ZNF750: variants seen among roughly 807,000 people sequenced by gnomAD.
ZNF750 encodes zinc finger protein 750.
Under a neutral mutation model 31.6 loss-of-function variants are expected in ZNF750, and 10 were observed. The ratio of observed to expected loss-of-function variants is 0.32; its 90% CI spans 0.19 to 0.54. The LOEUF (loss-of-function observed/expected upper bound fraction) is 0.54. Ranked by LOEUF, ZNF750 falls within the 20% of genes least tolerant of loss-of-function variation. ZNF750 has a pLI of 0.95. For missense variants in ZNF750, 914 were observed against 934.9 expected (o/e 0.98, Z 0.29); for synonymous variants, 400 against 404.9 (o/e 0.99, Z 0.15).
intron 1 of ZNF750, among the ~76,000 whole-genome samples, chr17:82,836,125 C>T (rs980114359): frequency 5.3e-5 from 8 of 152,256 alleles, no homozygotes; most frequent in Non-Finnish European, 1.2e-4. Context: ...TCTTTATGGG[C>T]TCAGTCCCTA....
chr17:82,831,088 C>A lies in ZNF750; in HGVS notation c.1367G>T (p.Arg456Met), dbSNP rs779749801. 6.2e-7 allele frequency: 1 copy of A among 1,614,048 alleles called. No homozygotes were observed. Among genetic ancestry groups the A allele is most frequent in the Non-Finnish European group, 8.5e-7 (1 of 1,180,032 alleles). ...GCATTCTGTGCTTTTCTTAACAGGC[C>A]TGAAGGCTGTGAGGCTTTGCTCTGG... Reference protein sequence around the residue: ...YPPEQSLTAFRPVKKSTECLP... With the variant: ...YPPEQSLTAFMPVKKSTECLP... The change falls in exon 2 of 3, where the codon AGG becomes ATG. Residue 456 changes from arginine (R) to methionine (M), a missense_variant. This residue lies in a region of ZNF750 where 880 missense variants were observed against 868.9 expected (regional missense o/e 1.01). Transcript: ENST00000269394. This position sits in a 1 kb window ranked among gnomAD's most constrained non-coding sequence, Gnocchi z 4.6.
chr17:82,838,836 C>T (rs1173233608), intron 1 of ZNF750: 10 of 985,290 alleles, frequency 1.0e-5, no homozygotes, highest in African/African-American at 8.7e-5. Flanking sequence ...GACCTGAGCT[C>T]GTAAACAAAC....
chr17:82,831,404 C>T lies in ZNF750; in HGVS notation c.1051G>A (p.Glu351Lys), dbSNP rs377565207. The T allele has an allele frequency of 3.7e-6, 6 of 1,614,158 alleles. 1 individual carries two copies. Among genetic ancestry groups the T allele is most frequent in the Middle Eastern group, 3.3e-4 (2 of 6,062 alleles). Residue 351 changes from glutamate to lysine, a missense_variant, in exon 2 of 3, where the codon GAA becomes AAA. By Grantham distance (56) the Glu-to-Lys change is moderately conservative. Transcript: ENST00000269394. The surrounding 1 kb of genome is among the most constrained non-coding windows in gnomAD (Gnocchi z 4.6). Reference sequence around the variant, plus strand: ...GCTGGATAGACCAGGGTGGCTTCTTCAAGCAGGTGAGAGCTCTGATCTCGG... The same window carrying T: ...GCTGGATAGACCAGGGTGGCTTCTTTAAGCAGGTGAGAGCTCTGATCTCGG... ...LTRDQSSHLL[E>K]EATLVYPASS...
intron 1 of ZNF750, among the ~76,000 whole-genome samples, chr17:82,837,261 C>T (rs118047743): frequency 6.4e-4 from 98 of 152,340 alleles, no homozygotes; most frequent in South Asian, 1.4e-3. Context: ...GCCAGTACCT[C>T]AGGCTGTCAC....
At chr17:82,838,599 T>C (rs2054187821) in intron 1 of ZNF750, 1 of 971,078 alleles carries the variant, frequency 1.0e-6, no homozygotes, top group African/African-American at 1.8e-5. Context: ...GCCTACCCAC[T>C]GTGATGTCGC....
chr17:82,830,242 C>A lies in ZNF750; in HGVS notation c.2072G>T (p.Ser691Ile). 1.2e-6 allele frequency: 2 copies of A among 1,614,260 alleles called. No homozygotes were observed. The highest frequency in any genetic ancestry group is 1.1e-5 in the South Asian group (1 of 91,080). ...DLRPKGQKRTSLRDAGKSQQG... is the reference protein window; with the variant it reads ...DLRPKGQKRTILRDAGKSQQG... Reference sequence around the variant, plus strand: ...CTGGGATTTTCCAGCATCCCTTAGACTTGTCCTCTTTTGTCCTTTGGGTCT... The same window carrying A: ...CTGGGATTTTCCAGCATCCCTTAGAATTGTCCTCTTTTGTCCTTTGGGTCT... The change falls in exon 3 of 3, where the codon AGT becomes ATT. Residue 691 changes from serine to isoleucine, a missense_variant. This residue lies in a region of ZNF750 where 880 missense variants were observed against 868.9 expected (regional missense o/e 1.01). Coordinates refer to ENST00000269394, the MANE Select transcript of ZNF750 (RefSeq NM_024702.3).
chr17:82,829,732 A>G lies in ZNF750; in HGVS notation c.*410T>C, dbSNP rs998878519. On this transcript the variant is annotated 3_prime_UTR_variant, in exon 3 of 3. Transcript: ENST00000269394. ...TTACATATGGCACTTTAATGTTAGT[A>G]CTGAAAATGTTTTTTCTGACATTTT... is the stretch of plus-strand genomic sequence containing the variant. 5.2e-6 allele frequency: 1 copy of G among 193,360 alleles called. No homozygotes were observed. The highest frequency in any genetic ancestry group is 1.1e-5 in the Non-Finnish European group (1 of 92,118). The allele number at this position is 193,360 out of a possible 1,614,324, so 12.0% of individuals were successfully genotyped here. A position where few individuals can be genotyped will look rare whatever the true frequency, so the allele number is the denominator to read the frequency against.
rs751094786 is a variant in ZNF750, at chr17:82,830,164, C to T, written c.2150G>A (p.Arg717Gln). ...LQDTARVFTL[R>Q]RRARVS Reference sequence around the variant, plus strand: ...GCGTTAGGACACCCGGGCCCTCCTTCGTAGTGTGAACACTCTGGCCGTGTC... The same window carrying T: ...GCGTTAGGACACCCGGGCCCTCCTTTGTAGTGTGAACACTCTGGCCGTGTC... The change falls in exon 3 of 3, where the codon CGA becomes CAA. Residue 717 changes from arginine (R) to glutamine (Q), a missense_variant. By Grantham distance (43) the Arg-to-Gln change is conservative. Around this residue, in one of 2 missense-constraint regions of ZNF750, gnomAD observed 880 missense variants for 868.9 expected, o/e 1.01. Transcript: ENST00000269394. 6.2e-7 allele frequency: 1 copy of T among 1,613,986 alleles called. No homozygotes were observed. The highest frequency in any genetic ancestry group is 1.3e-5 in the African/African-American group (1 of 74,944).
At chr17:82,837,837 C>A (rs979256876) in intron 1 of ZNF750, among the ~76,000 whole-genome samples, 4 of 152,330 alleles carry the variant, frequency 2.6e-5, no homozygotes, top group Admixed American at 6.5e-5. Flanking sequence ...CCTGGCCTGG[C>A]ACAAAGCCTT....
chr17:82,836,571 A>G (rs775205302), intron 1 of ZNF750, among the ~76,000 whole-genome samples: 3 of 151,882 alleles, frequency 2.0e-5, no homozygotes, highest in Non-Finnish European at 4.4e-5. Flanking sequence ...CATTGCTGAT[A>G]CCTCTAGCGC....
At chr17:82,836,794 G>GTGT (rs1364618510) in intron 1 of ZNF750, among the ~76,000 whole-genome samples, 1 of 152,176 alleles carries the variant, frequency 6.6e-6, no homozygotes, top group Non-Finnish European at 1.5e-5. Flanking sequence ...GGCAGGTTAC[G>GTGT]TGTAAGCTCT....
Position 82,830,453 on chromosome 17 carries a change from C to T in ZNF750, c.1861G>A (p.Ala621Thr), listed in dbSNP as rs769783309. 3.8e-5 allele frequency: 61 copies of T among 1,612,174 alleles called. No individual in the cohort carries two copies. Among genetic ancestry groups the T allele is most frequent in the Non-Finnish European group, 4.8e-5 (57 of 1,179,648 alleles). ...TCCTCGCTGCTGTCCACCGCGCATG[C>T]GTCTGGAGCCTCCTCGCCGGGGCCT... Reference protein sequence around the residue: ...PTGPGEEAPDACAVDSSEEQK... With the variant: ...PTGPGEEAPDTCAVDSSEEQK... Residue 621 changes from alanine (A) to threonine (T), a missense_variant, in exon 3 of 3, where the codon GCA (alanine) becomes ACA (threonine). Physicochemically the swap from Ala to Thr is moderately conservative, Grantham distance 58. This residue lies in a region of ZNF750 where 880 missense variants were observed against 868.9 expected (regional missense o/e 1.01). Coordinates refer to ENST00000269394, the MANE Select transcript of ZNF750 (RefSeq NM_024702.3).
At position 82,833,012 on chromosome 17, in the gene ZNF750, C is replaced by T. The variant is rs1330002367; in HGVS notation, c.-182-376G>A. Among the ~76,000 whole-genome samples, 1 of 152,124 alleles carries T rather than the reference C, an allele frequency of 6.6e-6. No homozygotes were observed. The highest frequency in any genetic ancestry group is 6.5e-5 in the Admixed American group (1 of 15,280). On this transcript the variant is annotated intron_variant, in intron 1 of 2. Coordinates refer to ENST00000269394, the MANE Select transcript of ZNF750 (RefSeq NM_024702.3). This position sits in a 1 kb window ranked among gnomAD's most constrained non-coding sequence, Gnocchi z 4.7. ...AAAGCGCCCTGCCGGGGGCTGAGGA[C>T]ACCGAGCCCCCTCCCAGGGTCTGGA...
At chr17:82,834,421 G>C (rs953402753) in intron 1 of ZNF750, among the ~76,000 whole-genome samples, 2 of 152,208 alleles carry the variant, frequency 1.3e-5, no homozygotes, top group African/African-American at 2.4e-5. Flanking sequence ...AAGGTCTTTA[G>C]GGTCTAAATA....
rs972906743 is a variant in ZNF750, at chr17:82,830,444, C to A, written c.1870G>T (p.Val624Leu). ...TGCTTCTGCTCCTCGCTGCTGTCCA[C>A]CGCGCATGCGTCTGGAGCCTCCTCG... The part of the protein sequence containing the change: ...PGEEAPDACA[V>L]DSSEEQKQTA... The change falls in exon 3 of 3, where the codon GTG becomes TTG. Residue 624 changes from valine (V) to leucine (L), a missense_variant. Around this residue, in one of 2 missense-constraint regions of ZNF750, gnomAD observed 880 missense variants for 868.9 expected, o/e 1.01. Transcript: ENST00000269394. 6.2e-7 allele frequency: 1 copy of A among 1,612,130 alleles called. No individual in the cohort carries two copies. The highest frequency in any genetic ancestry group is 1.3e-5 in the African/African-American group (1 of 74,950).
intron 1 of ZNF750, among the ~76,000 whole-genome samples, chr17:82,834,507 A>T (rs1438939619): frequency 6.6e-6 from 1 of 152,258 alleles, no homozygotes; most frequent in Non-Finnish European, 1.5e-5. Context: ...AAAATGCGGC[A>T]CATATACACC....
intron 1 of ZNF750, among the ~76,000 whole-genome samples, chr17:82,834,762 A>G (rs1189119173): frequency 1.3e-5 from 2 of 152,108 alleles, no homozygotes; most frequent in African/African-American, 4.8e-5. Flanking sequence ...CAAATAGCTA[A>G]TGCATGCAGG....
chr17:82,834,547 C>A (rs549192182), intron 1 of ZNF750, among the ~76,000 whole-genome samples: 2 of 152,260 alleles, frequency 1.3e-5, no homozygotes, highest in East Asian at 3.9e-4. Flanking sequence ...TAAAAAGGAA[C>A]GCGATCATGT....
chr17:82,838,453 T>G (rs567581154), intron 1 of ZNF750, among the ~76,000 whole-genome samples: 1 of 152,334 alleles, frequency 6.6e-6, no homozygotes, highest in East Asian at 1.9e-4. Flanking sequence ...GCCCTGAGAT[T>G]GTGCTGTAAT....
Sources: allele counts gnomAD v4.1 joint callset (sites outside exome capture counted in the v4.1 genomes callset), GRCh38; gene constraint gnomAD v4.1.1; regional missense constraint gnomAD v4.1.1; non-coding constraint Gnocchi (gnomAD v3.1); transcripts MANE v1.5; gene names NCBI Gene and HGNC (gene_info 2026-07-23, HGNC 2026-07-21).